RXRG: variants seen among roughly 807,000 people sequenced by gnomAD.
RXRG encodes retinoic acid receptor RXR-gamma.
In RXRG, 19 loss-of-function variants were observed where a neutral mutation model predicts 49.2. The observed-to-expected ratio is 0.39, with a 90% CI of 0.27 to 0.57. RXRG has a LOEUF of 0.57. Ranked by LOEUF, RXRG falls within the 20% of genes least tolerant of loss-of-function variation. RXRG has a pLI of 0.64. For missense variants in RXRG, 452 were observed against 592.5 expected, an observed-to-expected ratio of 0.76 and a Z score of 2.46; for synonymous variants, 224 against 216.6, an observed-to-expected ratio of 1.03 and a Z score of -0.30.
chr1:165,419,297 A>C (rs1280465581), intron 3 of RXRG, among the ~76,000 whole-genome samples: 1 of 152,042 alleles, frequency 6.6e-6, no homozygotes, highest in African/African-American at 2.4e-5. Flanking sequence ...ATTATGGGTA[A>C]TTTTTTTACT....
At chr1:165,414,417 C>T (rs1320817291) in intron 4 of RXRG, among the ~76,000 whole-genome samples, 2 of 152,102 alleles carry the variant, frequency 1.3e-5, no homozygotes, top group African/African-American at 4.8e-5. Context: ...GCCTATTGAC[C>T]ACTCTGTCCC....
chr1:165,412,970 T>C (rs1288367420), intron 4 of RXRG, among the ~76,000 whole-genome samples: 1 of 152,212 alleles, frequency 6.6e-6, no homozygotes, highest in Non-Finnish European at 1.5e-5. Context: ...GCAAACTAAG[T>C]TAAGTTTCAT....
At chr1:165,406,713 A>T in intron 9 of RXRG, 99 bp downstream of exon 9, 2 of 848,850 alleles carry the variant, frequency 2.4e-6, no homozygotes, top group African/African-American at 1.7e-5. Context: ...AATAACATTT[A>T]AAAACACCTA....
chr1:165,421,692 G>A (rs1000019504), intron 2 of RXRG, among the ~76,000 whole-genome samples: 1 of 152,052 alleles, frequency 6.6e-6, no homozygotes, highest in Non-Finnish European at 1.5e-5. Context: ...ACGACACTTA[G>A]CTAACTTTTT....
chr1:165,428,755 A>G lies in RXRG; in HGVS notation c.261T>C (p.Pro87=), dbSNP rs769392173. 1.2e-6 allele frequency: 2 copies of G among 1,605,136 alleles called. No individual in the cohort carries two copies. Among genetic ancestry groups the G allele is most frequent in the Admixed American group, 3.3e-5 (2 of 59,720 alleles). ...GTGGGGCAACCAAGTTGATTCCTGG[A>G]GGCGCTGCAAGTGCTCCTGAGGGTG... ...MGPPSGALAA[P]PGINLVAPPS... is the part of the protein sequence containing the mutation. The change falls in exon 2 of 10, where the codon CCT becomes CCC. Residue 87 remains proline (P), a synonymous_variant. Coordinates refer to ENST00000359842, the MANE Select transcript of RXRG (RefSeq NM_006917.5).
chr1:165,407,432 C>T (rs1657791613), intron 8 of RXRG, among the ~76,000 whole-genome samples: 2 of 152,190 alleles, frequency 1.3e-5, no homozygotes, highest in Admixed American at 6.5e-5. Flanking sequence ...TTCCCTCGAG[C>T]CTCCAGGACA....
intron 1 of RXRG, among the ~76,000 whole-genome samples, chr1:165,439,700 A>G (rs2101748162): frequency 6.6e-6 from 1 of 152,362 alleles, no homozygotes; most frequent in South Asian, 2.1e-4. Context: ...CCTTCCCATC[A>G]GAAGAAAGCT....
intron 3 of RXRG, among the ~76,000 whole-genome samples, chr1:165,417,778 C>T (rs1174969878): frequency 6.6e-6 from 1 of 152,086 alleles, no homozygotes; most frequent in Non-Finnish European, 1.5e-5. Context: ...CATCATATGA[C>T]AATCAAGCTA....
chr1:165,440,624 C>T (rs550602682), intron 1 of RXRG, among the ~76,000 whole-genome samples: 1 of 152,026 alleles, frequency 6.6e-6, no homozygotes, highest in African/African-American at 2.4e-5. Context: ...GATCACTGAG[C>T]CAGGGCTGAG....
chr1:165,411,192 T>A, intron 4 of RXRG, 83 bp from the exon 5 acceptor site: 1 of 1,351,322 alleles, frequency 7.4e-7, no homozygotes, highest in East Asian at 2.3e-5. Flanking sequence ...GAGCCTCAAT[T>A]TACTCATCTA....
chr1:165,401,958 G>A (rs1657588135), intron 9 of RXRG, among the ~76,000 whole-genome samples: 1 of 152,222 alleles, frequency 6.6e-6, no homozygotes, highest in African/African-American at 2.4e-5. Flanking sequence ...ATGTTACTCA[G>A]GTTGGACCTG....
intron 9 of RXRG, among the ~76,000 whole-genome samples, chr1:165,402,435 A>G (rs1167258760): frequency 9.7e-6 from 1 of 103,092 alleles, no homozygotes; most frequent in Non-Finnish European, 1.8e-5. Context: ...CTTACCCTTA[A>G]ATTAGGAAAA....
In RXRG at chr1:165,417,148, A is replaced by G. The variant is rs1205470066; in HGVS notation, c.515T>C (p.Ile172Thr). ...FFKRTIRKDL[I>T]YTCRDNKDCL... is the part of the protein sequence containing the mutation. ...GTCTTTATTATCCCGACACGTGTAG[A>G]TGAGGTCCTTCCTTATCGTCCTCTT... The change falls in exon 4 of 10, where the codon ATC becomes ACC. Residue 172 changes from isoleucine to threonine, a missense_variant. Transcript: ENST00000359842. 6.2e-7 allele frequency: 1 copy of G among 1,614,208 alleles called. No individual in the cohort carries two copies. Among genetic ancestry groups the G allele is most frequent in the Non-Finnish European group, 8.5e-7 (1 of 1,180,010 alleles).
intron 1 of RXRG, among the ~76,000 whole-genome samples, chr1:165,435,351 G>A (rs954116529): frequency 4.6e-5 from 7 of 152,164 alleles, no homozygotes; most frequent in African/African-American, 1.7e-4. Flanking sequence ...TTGGAAATAA[G>A]GTACTATTAG....
intron 9 of RXRG, among the ~76,000 whole-genome samples, chr1:165,405,607 G>T (rs1455733889): frequency 6.6e-6 from 1 of 152,210 alleles, no homozygotes; most frequent in African/African-American, 2.4e-5. Flanking sequence ...GCAAAACACA[G>T]TATGGCTCTG....
intron 1 of RXRG, among the ~76,000 whole-genome samples, chr1:165,429,777 G>A (rs1658615002): frequency 6.6e-6 from 1 of 152,172 alleles, no homozygotes; most frequent in Non-Finnish European, 1.5e-5. Context: ...AGCCAAAAGT[G>A]TCTGTGGAAC....
chr1:165,401,516 A>T, intron 9 of RXRG, 106 bp from the exon 10 acceptor site: 1 of 1,295,894 alleles, frequency 7.7e-7, no homozygotes, highest in African/African-American at 1.5e-5. Context: ...CATCTGTGAT[A>T]AAAGAGCTGG....
chr1:165,408,081 C>T lies in RXRG; in HGVS notation c.1138+146G>A, dbSNP rs1657815386. 3 of 654,208 alleles carry T rather than the reference C, an allele frequency of 4.6e-6. No individual in the cohort carries two copies. The African/African-American group carries it at 5.4e-5, about 12-fold the overall frequency. 40.5% of individuals were successfully genotyped at this position (654,208 alleles called of 1,614,324 possible). On this transcript the variant is annotated intron_variant, in intron 8 of 9. Transcript: ENST00000359842. ...ATTCAAAACATTTTCCAAAATGGCT[C>T]TAGCTGACACTGTGAGCTCTCCTGG...
chr1:165,429,010 G>C, intron 1 of RXRG, 44 bp from the exon 2 acceptor site: 1 of 1,588,258 alleles, frequency 6.3e-7, no homozygotes, highest in Non-Finnish European at 8.6e-7. Flanking sequence ...GGGGAACATG[G>C]AAAGGGGCCC....
Sources: gnomAD v4.1 joint callset for allele counts (sites outside exome capture counted in the v4.1 genomes callset) on GRCh38, gnomAD v4.1.1 for gene constraint, MANE v1.5 for transcripts, NCBI Gene and HGNC (gene_info 2026-07-23, HGNC 2026-07-21) for gene names.